Variants in ZMYND8 observed in about 807,000 individuals in gnomAD.
ZMYND8 encodes MYND-type zinc finger-containing chromatin reader ZMYND8.
In ZMYND8, 37 loss-of-function variants were observed where a neutral mutation model predicts 140.8. The observed-to-expected ratio is 0.26, with a 90% CI of 0.20 to 0.35. The LOEUF (loss-of-function observed/expected upper bound fraction) is 0.35. Among genes scored for constraint, ZMYND8 ranks in the 10% least tolerant of loss-of-function variants. The probability of loss-of-function intolerance (pLI) is 1.00; values close to 1 mark genes in which losing one functional copy is unlikely to be tolerated. For synonymous variants in ZMYND8, 592 were observed against 597.1 expected (o/e 0.99, Z 0.12); for missense variants, 1,068 against 1,570.0 (o/e 0.68, Z 5.40).
At chr20:47,356,346 A>T in intron 1 of ZMYND8, 2 of 1,447,504 alleles carry the variant, frequency 1.4e-6, no homozygotes, top group Non-Finnish European at 1.8e-6. Flanking sequence ...AAAAAAAAAA[A>T]GAAGGAAAAA....
At chr20:47,353,418 C>G (rs1185564971) in intron 1 of ZMYND8, 1 of 152,216 alleles carries the variant, frequency 6.6e-6, no homozygotes, top group Non-Finnish European at 1.5e-5. Context: ...GGACTTGGCG[C>G]CAACGGGCTA....
intron 2 of ZMYND8, among the ~76,000 whole-genome samples, chr20:47,337,300 C>T (rs1331699754): frequency 6.6e-6 from 1 of 151,850 alleles, no homozygotes; most frequent in Non-Finnish European, 1.5e-5. Flanking sequence ...TGCAGTAAGC[C>T]GAGATAGGCA....
At chr20:47,271,516 T>C (rs1175682848) in intron 11 of ZMYND8, among the ~76,000 whole-genome samples, 3 of 152,210 alleles carry the variant, frequency 2.0e-5, no homozygotes, top group Non-Finnish European at 4.4e-5. Flanking sequence ...CTTTCATTCA[T>C]CCCAGTCTCT....
chr20:47,248,679 C>G (rs1568986511), intron 13 of ZMYND8, among the ~76,000 whole-genome samples: 1 of 152,230 alleles, frequency 6.6e-6, no homozygotes, highest in Non-Finnish European at 1.5e-5. Context: ...GAGGGACACC[C>G]CCACACAAAG....
At position 47,220,416 on chromosome 20, in the gene ZMYND8, G is replaced by A. The variant is rs940962818; in HGVS notation, c.3418-92C>T. On this transcript the variant is annotated intron_variant, in intron 20 of 22. Coordinates refer to ENST00000471951, the MANE Select transcript of ZMYND8 (RefSeq NM_001281775.3). ...CCAGGGAGTCATGGGGGTGCTCATCGCTGCCCCCAAAGCATCTCAGTGTCC... is the reference window on the plus strand; with the variant it reads ...CCAGGGAGTCATGGGGGTGCTCATCACTGCCCCCAAAGCATCTCAGTGTCC... 49 of 1,026,326 alleles carry A rather than the reference G, an allele frequency of 4.8e-5. No homozygotes were observed. In the South Asian group the frequency reaches 4.8e-4, roughly 10 times the overall value. 63.6% of individuals were successfully genotyped at this position (1,026,326 alleles called of 1,614,324 possible).
intron 3 of ZMYND8, among the ~76,000 whole-genome samples, 162 bp from the exon 4 acceptor site, chr20:47,299,109 G>C (rs2077831341): frequency 6.6e-6 from 1 of 152,152 alleles, no homozygotes. Flanking sequence ...TATATAATTA[G>C]CAAGTTGTTA....
At chr20:47,231,209 T>C (rs1444291722) in intron 16 of ZMYND8, among the ~76,000 whole-genome samples, 1 of 152,176 alleles carries the variant, frequency 6.6e-6, no homozygotes, top group Non-Finnish European at 1.5e-5. Flanking sequence ...ACCTCCCACC[T>C]GCCAGCTGAC....
chr20:47,273,981 C>T (rs1471885994), intron 11 of ZMYND8, among the ~76,000 whole-genome samples: 1 of 152,112 alleles, frequency 6.6e-6, no homozygotes, highest in Non-Finnish European at 1.5e-5. Context: ...CACATACCAG[C>T]AAGGAGATTA....
intron 8 of ZMYND8, among the ~76,000 whole-genome samples, chr20:47,285,436 C>G (rs555914806): frequency 9.5e-4 from 144 of 152,322 alleles, no homozygotes; most frequent in Non-Finnish European, 2.2e-4. Flanking sequence ...TCCAAAGGAA[C>G]ATATCCAAAA....
intron 9 of ZMYND8, among the ~76,000 whole-genome samples, 171 bp downstream of exon 9, chr20:47,283,400 G>A (rs540240115): frequency 6.6e-6 from 1 of 152,174 alleles, no homozygotes; most frequent in Non-Finnish European, 1.5e-5. Flanking sequence ...AGCCTAAGAG[G>A]TTTATCCTAC....
In ZMYND8 at chr20:47,236,395, G is replaced by C; in HGVS notation, c.2787C>G (p.Val929=). 1 of 1,614,206 alleles carries C rather than the reference G, an allele frequency of 6.2e-7. No homozygotes were observed. Among genetic ancestry groups the C allele is most frequent in the Admixed American group, 1.7e-5 (1 of 60,032 alleles). ...CAGTGGCGATGGGCAGGTCAGCGTT[G>C]ACTGAGGACACAAGGGTGCTCATGG... ...SGSMSTLVSS[V]NADLPIATAS... The change falls in exon 16 of 23, where the codon GTC becomes GTG. Residue 929 remains valine (V), a synonymous_variant. Transcript: ENST00000471951.
intron 13 of ZMYND8, among the ~76,000 whole-genome samples, chr20:47,248,667 G>T (rs1289288816): frequency 6.6e-6 from 1 of 152,220 alleles, no homozygotes; most frequent in African/African-American, 2.4e-5. Flanking sequence ...AGTCTAGATT[G>T]GGAGGGACAC....
intron 11 of ZMYND8, among the ~76,000 whole-genome samples, chr20:47,271,312 G>A (rs556452755): frequency 2.0e-5 from 3 of 152,282 alleles, no homozygotes; most frequent in Non-Finnish European, 4.4e-5. Context: ...GTGCATGCTA[G>A]CATTTGCCCT....
chr20:47,302,517 AT>A (rs1381753726), intron 3 of ZMYND8, among the ~76,000 whole-genome samples: 1 of 152,168 alleles, frequency 6.6e-6, no homozygotes, highest in Non-Finnish European at 1.5e-5. Flanking sequence ...CTCACTATGT[AT>A]ATGCAAATAT....
Position 47,276,437 on chromosome 20 carries a change from G to A in ZMYND8, c.1357C>T (p.Pro453Ser). ...RISLSDMPRS[P>S]MSTNSSVHTG... ...TGCACAGAAGAGTTTGTGCTCATGG[G>A]GGAGCGCGGCATATCCGACAAGGAA... The change falls in exon 11 of 23, where the codon CCC (proline) becomes TCC (serine). Residue 453 changes from proline to serine, a missense_variant. Coordinates refer to ENST00000471951, the MANE Select transcript of ZMYND8 (RefSeq NM_001281775.3). 6.2e-7 allele frequency: 1 copy of A among 1,614,126 alleles called. No homozygotes were observed. The highest frequency in any genetic ancestry group is 8.5e-7 in the Non-Finnish European group (1 of 1,180,000).
chr20:47,303,323 A>G (rs1196871731), intron 3 of ZMYND8, among the ~76,000 whole-genome samples: 3 of 152,088 alleles, frequency 2.0e-5, no homozygotes, highest in Non-Finnish European at 2.9e-5. Context: ...GAGGTCTTCT[A>G]GGATGCTACT....
Position 47,310,787 on chromosome 20 carries a change from A to AG in ZMYND8, c.86-584_86-583insC, listed in dbSNP as rs1491406391. ...GGGGACAGGGCAAGCCTCCGACGTG[A>AG]AAAAAAAAAAAAAAAAAAAACAGAT... On this transcript the variant is annotated intron_variant, in intron 2 of 22. Coordinates refer to ENST00000471951, the MANE Select transcript of ZMYND8 (RefSeq NM_001281775.3). Among the ~76,000 whole-genome samples the AG allele has an allele frequency of 2.9e-4, 26 of 88,980 alleles. No individual in the cohort carries two copies. The East Asian group carries it at 8.5e-3, about 29-fold the overall frequency. The allele number at this position is 88,980 out of a possible 152,430, so 58.4% of individuals were successfully genotyped here.
intron 2 of ZMYND8, among the ~76,000 whole-genome samples, chr20:47,335,513 TGAC>T (rs2081323894): frequency 1.3e-5 from 2 of 151,678 alleles, no homozygotes; most frequent in Non-Finnish European, 2.9e-5. Flanking sequence ...AATGAAGGAA[TGAC>T]GACTTTAATA....
chr20:47,278,901 C>T (rs2076422955), intron 10 of ZMYND8, among the ~76,000 whole-genome samples: 1 of 152,240 alleles, frequency 6.6e-6, no homozygotes, highest in South Asian at 2.1e-4. Context: ...GTCTCCAGTG[C>T]TGTCCTAGGG....
Sources: gnomAD v4.1 joint callset for allele counts (sites outside exome capture counted in the v4.1 genomes callset) on GRCh38, gnomAD v4.1.1 for gene constraint, MANE v1.5 for transcripts, NCBI Gene and HGNC (gene_info 2026-07-23, HGNC 2026-07-21) for gene names.